Variants in RBM47 observed in about 807,000 individuals in gnomAD.
RBM47 encodes the protein RNA binding motif protein 47, also known as RNA-binding protein 47.
In RBM47, 21 loss-of-function variants were observed where a neutral mutation model predicts 47.1. The ratio of observed to expected loss-of-function variants is 0.45; its 90% CI spans 0.32 to 0.64. The LOEUF (loss-of-function observed/expected upper bound fraction) is 0.64, where lower values mean the gene tolerates loss of function less well. Ranked by LOEUF, RBM47 falls within the 30% of genes least tolerant of loss-of-function variation. RBM47 has a pLI of 0.05. For synonymous variants in RBM47, 375 were observed against 361.7 expected (o/e 1.04, Z -0.42); for missense variants, 708 against 870.9 (o/e 0.81, Z 2.35).
intron 2 of RBM47, among the ~76,000 whole-genome samples, chr4:40,513,856 C>G (rs1174598563): frequency 1.3e-5 from 2 of 152,054 alleles, no homozygotes; most frequent in African/African-American, 4.8e-5. Context: ...GTAGCTGGGA[C>G]TACCGGCGCA....
intron 2 of RBM47, among the ~76,000 whole-genome samples, chr4:40,487,951 A>C (rs1225914954): frequency 6.6e-6 from 1 of 152,048 alleles, no homozygotes; most frequent in Non-Finnish European, 1.5e-5. Context: ...AAAAAACGGA[A>C]CGCACATCCT....
chr4:40,449,212 T>G (rs139680912), intron 3 of RBM47, among the ~76,000 whole-genome samples: 90 of 152,316 alleles, frequency 5.9e-4, no homozygotes, highest in African/African-American at 1.9e-3. Flanking sequence ...CGGGCTCTTT[T>G]TTTCTATCAC....
At chr4:40,461,900 A>C (rs1717196985) in intron 3 of RBM47, among the ~76,000 whole-genome samples, 1 of 150,000 alleles carries the variant, frequency 6.7e-6, no homozygotes, top group African/African-American at 2.5e-5. Flanking sequence ...GCACCATTGT[A>C]CTCCAGCCTG....
chr4:40,521,889 A>C (rs1400519347), intron 2 of RBM47, among the ~76,000 whole-genome samples: 1 of 152,310 alleles, frequency 6.6e-6, no homozygotes. Flanking sequence ...ATACAAAAAA[A>C]GGAAGAAAAA....
chr4:40,438,279 G>A lies in RBM47; in HGVS notation c.615C>T (p.Arg205=), dbSNP rs572969741. 1.2e-6 allele frequency: 2 copies of A among 1,604,038 alleles called. No homozygotes were observed. The highest frequency in any genetic ancestry group is 4.5e-5 in the East Asian group (2 of 44,868). The change falls in exon 4 of 7, where the codon CGC becomes CGT. Residue 205 remains arginine, a synonymous_variant. Coordinates refer to ENST00000295971, the MANE Select transcript of RBM47 (RefSeq NM_001098634.2). ...GCTTGCGGCGAGCCATGGCAGCCGC[G>A]CGGTGGCTCTCGTACTCCACGAAGG... ...GFAFVEYESH[R]AAAMARRKLM... is the part of the protein sequence containing the mutation.
At chr4:40,553,440 G>A (rs910613316) in intron 1 of RBM47, among the ~76,000 whole-genome samples, 11 of 152,108 alleles carry the variant, frequency 7.2e-5, no homozygotes, top group African/African-American at 2.7e-4. Flanking sequence ...TGGGATTACA[G>A]GCGCATGCCA....
intron 3 of RBM47, among the ~76,000 whole-genome samples, chr4:40,463,530 C>T (rs1717483642): frequency 6.6e-6 from 1 of 152,066 alleles, no homozygotes; most frequent in Non-Finnish European, 1.5e-5. Flanking sequence ...TCCTGATGCA[C>T]AGTGCAAGAA....
chr4:40,562,758 G>C (rs147157441), intron 1 of RBM47, among the ~76,000 whole-genome samples: 1 of 152,104 alleles, frequency 6.6e-6, no homozygotes, highest in Non-Finnish European at 1.5e-5. Context: ...GAGCCACCGT[G>C]CCCAGCCGAA....
At chr4:40,593,049 C>G (rs1333407799) in intron 1 of RBM47, among the ~76,000 whole-genome samples, 2 of 116,690 alleles carry the variant, frequency 1.7e-5, no homozygotes, top group South Asian at 3.1e-4. Flanking sequence ...AGGCTGGAGT[C>G]CGGTGGCGCG....
At chr4:40,453,293 A>G (rs1715735681) in intron 3 of RBM47, among the ~76,000 whole-genome samples, 1 of 152,238 alleles carries the variant, frequency 6.6e-6, no homozygotes, top group South Asian at 2.1e-4. Flanking sequence ...TTCAACAAAC[A>G]TTGATTGAGT....
chr4:40,562,622 C>G (rs569476831), intron 1 of RBM47, among the ~76,000 whole-genome samples: 1 of 151,962 alleles, frequency 6.6e-6, no homozygotes, highest in Non-Finnish European at 1.5e-5. Context: ...CGCGCCACCA[C>G]GCCCGGCTAA....
chr4:40,442,167 G>A lies in RBM47; in HGVS notation c.-31-3243C>T, dbSNP rs147231389. ...TTGTTCACATGTTCTTATAAACCATGTTGTAATTTTGGAGGAGACGAATCA... is the reference window on the plus strand; with the variant it reads ...TTGTTCACATGTTCTTATAAACCATATTGTAATTTTGGAGGAGACGAATCA... On this transcript the variant is annotated intron_variant, in intron 3 of 6. Transcript: ENST00000295971. Among the ~76,000 whole-genome samples, 849 of 152,226 alleles carry A rather than the reference G, an allele frequency of 5.6e-3. 6 individuals carry two copies. Among genetic ancestry groups the A allele is most frequent in the African/African-American group, 0.019 (805 of 41,530 alleles).
intron 1 of RBM47, among the ~76,000 whole-genome samples, chr4:40,587,815 C>G (rs1474617736): frequency 6.6e-6 from 1 of 152,144 alleles, no homozygotes; most frequent in East Asian, 1.9e-4. Context: ...TGCTGACATG[C>G]TGGTTACTGG....
At chr4:40,472,034 A>G (rs1046383507) in intron 2 of RBM47, among the ~76,000 whole-genome samples, 4 of 152,198 alleles carry the variant, frequency 2.6e-5, no homozygotes, top group African/African-American at 4.8e-5. Context: ...ATTTTATAGG[A>G]CAAAAACAGT....
rs1164218969 is a variant in RBM47 at position 40,592,961 on chromosome 4, A to G, written c.-240+36435T>C. Reference sequence around the variant, plus strand: ...CATATATATATATATATATATATATATATATATATATATATATATTTTTTT... The same window carrying G: ...CATATATATATATATATATATATATGTATATATATATATATATATTTTTTT... On this transcript the variant is annotated intron_variant, in intron 1 of 6. Coordinates refer to ENST00000295971, the MANE Select transcript of RBM47 (RefSeq NM_001098634.2). Among the ~76,000 whole-genome samples, 6 of 14,462 alleles carry G rather than the reference A, an allele frequency of 4.1e-4. 1 individual carries two copies. The highest frequency in any genetic ancestry group is 2.9e-3 in the South Asian group (1 of 344). 9.5% of individuals were successfully genotyped at this position (14,462 alleles called of 152,430 possible).
intron 2 of RBM47, among the ~76,000 whole-genome samples, chr4:40,542,317 A>G (rs965563821): frequency 2.6e-5 from 4 of 151,678 alleles, no homozygotes; most frequent in Non-Finnish European, 5.9e-5. Context: ...CCCATAGCTC[A>G]TGCTATTCCT....
chr4:40,558,826 TAA>T (rs573205780), intron 1 of RBM47, among the ~76,000 whole-genome samples: 22 of 129,736 alleles, frequency 1.7e-4, no homozygotes, highest in East Asian at 2.2e-4. Flanking sequence ...AAACTCTGTC[TAA>T]AAAAAAAAAA....
chr4:40,427,741 A>C (rs1715260771), intron 6 of RBM47, among the ~76,000 whole-genome samples: 1 of 152,130 alleles, frequency 6.6e-6, no homozygotes, highest in African/African-American at 2.4e-5. Flanking sequence ...AATTAGCTCT[A>C]ATTTCTGTTA....
chr4:40,493,172 A>AT (rs933943133), intron 2 of RBM47, among the ~76,000 whole-genome samples: 3 of 152,180 alleles, frequency 2.0e-5, no homozygotes, highest in Non-Finnish European at 4.4e-5. Flanking sequence ...TATTTATAGG[A>AT]TTCCCCCTAT....
Sources: allele counts gnomAD v4.1 joint callset (sites outside exome capture counted in the v4.1 genomes callset), GRCh38; gene constraint gnomAD v4.1.1; transcripts MANE v1.5; gene names NCBI Gene and HGNC (gene_info 2026-07-23, HGNC 2026-07-21).